The following ABHD11 variants were observed in gnomAD, a reference collection of about 807,000 sequenced individuals.
ABHD11 encodes sn-1-specific diacylglycerol lipase ABHD11.
ABHD11 carries 26 observed loss-of-function variants against 29.0 expected under a neutral mutation model. The ratio of observed to expected loss-of-function variants is 0.90; its 90% confidence interval spans 0.66 to 1.24. The LOEUF is 1.24. Ranked by LOEUF, ABHD11 falls within the 50% of genes most tolerant of loss-of-function variation. The pLI, the probability that ABHD11 is intolerant of heterozygous loss-of-function variation, is 0.00. For missense variants in ABHD11, 381 were observed against 422.4 expected (o/e 0.90, Z 0.86); for synonymous variants, 169 against 166.4 (o/e 1.02, Z -0.12).
intron 1 of ABHD11, 44 bp from the exon 2 acceptor site, chr7:73,738,507 CG>C (rs1219884829): frequency 2.3e-5 from 37 of 1,589,184 alleles, no homozygotes; most frequent in Non-Finnish European, 3.2e-5. Context: ...CCGGCGGAGA[CG>C]GGGAAAGGGG....
chr7:73,737,594 C>T lies in ABHD11; in HGVS notation c.403G>A (p.Gly135Arg). The change falls in exon 3 of 6, where the codon GGA (glycine) becomes AGA (arginine). Residue 135 changes from glycine (G) to arginine (R), a missense_variant. Coordinates refer to ENST00000222800, the MANE Select transcript of ABHD11 (RefSeq NM_148912.4). ...PCVVVGHSMG[G>R]KTAMLLALQR... is the part of the protein sequence containing the mutation. ...AGTGCCAGCAGCATGGCTGTCTTTC[C>T]TCCCATGCTGTGGCCAACGACGACG... 1 of 1,612,454 alleles carries T rather than the reference C, an allele frequency of 6.2e-7. No homozygotes were observed. Among genetic ancestry groups the T allele is most frequent in the South Asian group, 1.1e-5 (1 of 90,834 alleles).
chr7:73,738,553 G>A, intron 1 of ABHD11, 90 bp from the exon 2 acceptor site: 1 of 1,563,742 alleles, frequency 6.4e-7, no homozygotes, highest in Non-Finnish European at 8.7e-7. Context: ...AGGCCTGGGA[G>A]GTGACAGGCC....
At chr7:73,738,001 C>T (rs1244582415) in intron 2 of ABHD11, 2 of 755,514 alleles carry the variant, frequency 2.6e-6, no homozygotes, top group Non-Finnish European at 4.7e-6. Flanking sequence ...AGGAAGGAGA[C>T]TCCAGGAATT....
rs1800093970 is a variant in ABHD11, at chr7:73,737,965, G to A, written c.262-230C>T. ...ACCACGTCTCTGAAGGGCTGGCCTG[G>A]CTGGGTGGCAATCTCGGAGAATGCC... On this transcript the variant is annotated intron_variant, in intron 2 of 5. Coordinates refer to ENST00000222800, the MANE Select transcript of ABHD11 (RefSeq NM_148912.4). The A allele has an allele frequency of 8.7e-6, 7 of 802,580 alleles. No individual in the cohort carries two copies. In the Admixed American group the frequency reaches 1.2e-4, roughly 14 times the overall value. 49.7% of individuals were successfully genotyped at this position (802,580 alleles called of 1,614,324 possible).
chr7:73,737,191 A>G, intron 4 of ABHD11, 30 bp downstream of exon 4: 3 of 1,613,824 alleles, frequency 1.9e-6, no homozygotes, highest in Non-Finnish European at 1.7e-6. Context: ...CTGGTCTACA[A>G]TACCATCCGG....
At chr7:73,737,461 C>G (rs1356272852) in intron 3 of ABHD11, 70 bp from the exon 4 acceptor site, 1 of 1,567,264 alleles carries the variant, frequency 6.4e-7, no homozygotes, top group Non-Finnish European at 8.6e-7. Flanking sequence ...GCTCCTGGAG[C>G]CTGAACTTGG....
At position 73,737,559 on chromosome 7, in the gene ABHD11, C is replaced by A; in HGVS notation, c.435+3G>T. On this transcript the variant is annotated splice_donor_region_variant and intron_variant, in intron 3 of 5. Transcript: ENST00000222800. ...GAGGAGGCCCCAGACATGGGCGGCT[C>A]ACCCTCTGTAGTGCCAGCAGCATGG... The A allele has an allele frequency of 6.3e-7, 1 of 1,598,230 alleles. No homozygotes were observed. The highest frequency in any genetic ancestry group is 1.1e-5 in the South Asian group (1 of 88,252).
rs782065664 is a variant in ABHD11, at chr7:73,737,132, G to T, written c.607-22C>A. The T allele has an allele frequency of 9.9e-6, 16 of 1,613,536 alleles. No homozygotes were observed. The Admixed American group carries it at 2.7e-4, about 27-fold the overall frequency. ...TGTCCTGTGGGGGTGCAGCAGTTGG[G>T]GGAGGTTCCTTGTGCGGTCTGGGGG... On this transcript the variant is annotated intron_variant, in intron 4 of 5. Transcript: ENST00000222800.
chr7:73,738,323 C>G lies in ABHD11; in HGVS notation c.261+5G>C. The G allele has an allele frequency of 6.2e-7, 1 of 1,604,710 alleles. No homozygotes were observed. Among genetic ancestry groups the G allele is most frequent in the Non-Finnish European group, 8.5e-7 (1 of 1,174,502 alleles). Reference sequence around the variant, plus strand: ...CAAAGGAGCCCCGCCCACTCGAAAGCTCACCCTACGGCCTGTCTGCTGGGC... The same window carrying G: ...CAAAGGAGCCCCGCCCACTCGAAAGGTCACCCTACGGCCTGTCTGCTGGGC... On this transcript the variant is annotated splice_donor_5th_base_variant and intron_variant, in intron 2 of 5. Coordinates refer to ENST00000222800, the MANE Select transcript of ABHD11 (RefSeq NM_148912.4).
At chr7:73,736,835 C>G in intron 5 of ABHD11, 94 bp downstream of exon 5, 1 of 1,571,408 alleles carries the variant, frequency 6.4e-7, no homozygotes, top group Non-Finnish European at 8.6e-7. Context: ...TCTCAGCCAC[C>G]CCCCTTCCAC....
chr7:73,738,165 T>G (rs1266820695), intron 2 of ABHD11, 163 bp downstream of exon 2: 2 of 1,192,430 alleles, frequency 1.7e-6, no homozygotes, highest in East Asian at 2.5e-5. Flanking sequence ...TTAATGAAGA[T>G]GGCAACGTGA....
Position 73,738,355 on chromosome 7 carries a change from C to T in ABHD11, c.234G>A (p.Lys78=), listed in dbSNP as rs782743210. ...GSKTNFNSIA[K]ILAQQTGRRV... Reference sequence around the variant, plus strand: ...TACGGCCTGTCTGCTGGGCCAAGATCTTGGCGATGGAGTTGAAGTTAGTTT... The same window carrying T: ...TACGGCCTGTCTGCTGGGCCAAGATTTTGGCGATGGAGTTGAAGTTAGTTT... Residue 78 remains lysine, a synonymous_variant, in exon 2 of 6, where the codon AAG becomes AAA. Transcript: ENST00000222800. 2.6e-6 allele frequency: 4 copies of T among 1,525,722 alleles called. No homozygotes were observed. Among genetic ancestry groups the T allele is most frequent in the Non-Finnish European group, 1.8e-6 (2 of 1,123,698 alleles). The allele number at this position is 1,525,722 out of a possible 1,614,324, so 94.5% of individuals were successfully genotyped here.
In ABHD11 at chr7:73,737,212, G is replaced by A. The variant is rs1799984207; in HGVS notation, c.606+9C>T. 4 of 1,614,004 alleles carry A rather than the reference G, an allele frequency of 2.5e-6. No individual in the cohort carries two copies. Among genetic ancestry groups the A allele is most frequent in the South Asian group, 1.1e-5 (1 of 91,080 alleles). On this transcript the variant is annotated intron_variant, in intron 4 of 5. Coordinates refer to ENST00000222800, the MANE Select transcript of ABHD11 (RefSeq NM_148912.4). ...TACAATACCATCCGGGGCACCTTGG[G>A]TGTATCACCTGGATGACAGAACTGA...
In ABHD11 at chr7:73,737,274, G is replaced by A. The variant is rs868914144; in HGVS notation, c.553C>T (p.Pro185Ser). 1.9e-6 allele frequency: 3 copies of A among 1,614,114 alleles called. No individual in the cohort carries two copies. The highest frequency in any genetic ancestry group is 2.5e-6 in the Non-Finnish European group (3 of 1,180,042). The part of the protein sequence containing the change: ...MRAINIADEL[P>S]RSRARKLADE... ...GCCAGTTTTCGGGCACGGGAGCGGG[G>A]CAGCTCATCTGCGATGTTGATGGCC... Residue 185 changes from proline to serine, a missense_variant, in exon 4 of 6, where the codon CCC becomes TCC. Coordinates refer to ENST00000222800, the MANE Select transcript of ABHD11 (RefSeq NM_148912.4).
intron 2 of ABHD11, 53 bp downstream of exon 2, chr7:73,738,275 C>A: frequency 7.7e-7 from 1 of 1,299,896 alleles, no homozygotes; most frequent in South Asian, 1.2e-5. Flanking sequence ...TCCTCTCAGG[C>A]CCCGCCCACT....
Position 73,736,511 on chromosome 7 carries a change from A to G in ABHD11, c.*48T>C. The G allele has an allele frequency of 6.2e-7, 1 of 1,607,548 alleles. No homozygotes were observed. The highest frequency in any genetic ancestry group is 8.5e-7 in the Non-Finnish European group (1 of 1,177,248). The stretch of plus-strand genomic sequence containing the variant: ...CGCCTTAGCCTCCCAAAGTGCTGGA[A>G]TTACAGGCATGAGCCACCACGCCCG... On this transcript the variant is annotated 3_prime_UTR_variant, in exon 6 of 6. Coordinates refer to ENST00000222800, the MANE Select transcript of ABHD11 (RefSeq NM_148912.4).
At position 73,736,313 on chromosome 7, in the gene ABHD11, C is replaced by T. The variant is rs1271283585; in HGVS notation, c.*246G>A. ...GGAGTGTAGTGGTGTGATCTCGGCT[C>T]ATTGCAACCTCTGCCTCCAGGGTTC... is the stretch of plus-strand genomic sequence containing the variant. On this transcript the variant is annotated 3_prime_UTR_variant, in exon 6 of 6. Transcript: ENST00000222800. The T allele has an allele frequency of 2.0e-6, 1 of 503,040 alleles. No homozygotes were observed. The highest frequency in any genetic ancestry group is 3.7e-6 in the Non-Finnish European group (1 of 268,008). The allele number at this position is 503,040 out of a possible 1,614,324, so 31.2% of individuals were successfully genotyped here.
intron 1 of ABHD11, 77 bp from the exon 2 acceptor site, chr7:73,738,540 G>C: frequency 6.4e-7 from 1 of 1,565,724 alleles, no homozygotes; most frequent in Admixed American, 1.9e-5. Flanking sequence ...AGCTTTGGGG[G>C]AGAGGCCTGG....
chr7:73,738,484 G>A (rs1554622878), intron 1 of ABHD11, 21 bp from the exon 2 acceptor site: 2 of 1,604,146 alleles, frequency 1.2e-6, no homozygotes, highest in Non-Finnish European at 1.7e-6. Context: ...AAGGATCGAG[G>A]TCAGAGTCTG....
Sources: allele counts gnomAD v4.1 joint callset, GRCh38; gene constraint gnomAD v4.1.1; transcripts MANE v1.5; gene names NCBI Gene and HGNC (gene_info 2026-07-23, HGNC 2026-07-21).